Variants in TRAF6 observed in about 807,000 individuals in gnomAD.
TRAF6 encodes the protein TNF receptor associated factor 6.
A neutral mutation model predicts 48.4 loss-of-function variants in TRAF6; 10 were observed. The observed-to-expected ratio is 0.21, with a 90% CI of 0.13 to 0.35. The LOEUF is 0.35. Among genes scored for constraint, TRAF6 ranks in the 10% least tolerant of loss-of-function variants. TRAF6 has a pLI of 1.00. For missense variants in TRAF6, 397 were observed against 661.0 expected (o/e 0.60, Z 4.38); for synonymous variants, 186 against 219.6 (o/e 0.85, Z 1.35).
At chr11:36,491,653 A>C (rs1330193398) in intron 6 of TRAF6, among the ~76,000 whole-genome samples, 1 of 152,180 alleles carries the variant, frequency 6.6e-6, no homozygotes, top group Non-Finnish European at 1.5e-5. Flanking sequence ...GGAGACCATA[A>C]TACTACTTTC....
chr11:36,498,286 C>A (rs940653971), intron 3 of TRAF6, among the ~76,000 whole-genome samples: 2 of 152,076 alleles, frequency 1.3e-5, no homozygotes, highest in African/African-American at 4.8e-5. Flanking sequence ...CTGGGCAAAG[C>A]CAGAGTAGAT....
At chr11:36,497,387 A>C in intron 3 of TRAF6, 121 bp from the exon 4 acceptor site, 1 of 824,074 alleles carries the variant, frequency 1.2e-6, no homozygotes, top group Non-Finnish European at 1.7e-6. Flanking sequence ...TCTAATGCAC[A>C]CCACAGAACC....
chr11:36,485,712 A>C lies in TRAF6; in HGVS notation c.*4126T>G, dbSNP rs1326463331. Among the ~76,000 whole-genome samples, 1 of 152,164 alleles carries C rather than the reference A, an allele frequency of 6.6e-6. No individual in the cohort carries two copies. The highest frequency in any genetic ancestry group is 2.4e-5 in the African/African-American group (1 of 41,398). On this transcript the variant is annotated 3_prime_UTR_variant, in exon 7 of 7. Transcript: ENST00000526995. ...ACACACACAAGTGACATTTAGTGAAACAACCAGGCACCTCCTTGCCAAGTG... is the reference window on the plus strand; with the variant it reads ...ACACACACAAGTGACATTTAGTGAACCAACCAGGCACCTCCTTGCCAAGTG...
intron 1 of TRAF6, among the ~76,000 whole-genome samples, chr11:36,504,340 T>C (rs867107526): frequency 6.6e-6 from 1 of 152,092 alleles, no homozygotes; most frequent in Non-Finnish European, 1.5e-5. Context: ...TAGAATATTC[T>C]AAATCCTTTG....
At chr11:36,503,391 T>A (rs910454052) in intron 1 of TRAF6, among the ~76,000 whole-genome samples, 18 of 151,938 alleles carry the variant, frequency 1.2e-4, no homozygotes, top group Admixed American at 1.1e-3. Context: ...GCCTCTGGGT[T>A]CTCCCGCCTC....
intron 1 of TRAF6, among the ~76,000 whole-genome samples, chr11:36,503,920 T>C (rs1273006618): frequency 6.6e-6 from 1 of 152,204 alleles, no homozygotes; most frequent in Non-Finnish European, 1.5e-5. Context: ...ATAAAGCAAG[T>C]AATACAATTT....
At chr11:36,495,888 A>G (rs1450534778) in intron 4 of TRAF6, among the ~76,000 whole-genome samples, 2 of 152,068 alleles carry the variant, frequency 1.3e-5, no homozygotes, top group African/African-American at 4.8e-5. Context: ...GTGAAACTCC[A>G]TCTCCAAAAA....
chr11:36,504,234 G>A (rs1383341969), intron 1 of TRAF6, among the ~76,000 whole-genome samples: 1 of 152,176 alleles, frequency 6.6e-6, no homozygotes, highest in Non-Finnish European at 1.5e-5. Context: ...TCTGTAGCAT[G>A]TGATGCTGTT....
At chr11:36,495,195 T>C in intron 4 of TRAF6, 148 bp from the exon 5 acceptor site, 1 of 584,660 alleles carries the variant, frequency 1.7e-6, no homozygotes, top group Non-Finnish European at 3.1e-6. Flanking sequence ...GAGAGTAATA[T>C]ATAAAGGCTA....
rs1323169450 is a variant in TRAF6 at position 36,485,206 on chromosome 11, A to G, written c.*4632T>C. ...GGGAAATTTCATCAAGTGCTGAAGA[A>G]AAAAAGCAAAAAAAGTAACATCTGC... On this transcript the variant is annotated 3_prime_UTR_variant, in exon 7 of 7. Coordinates refer to ENST00000526995, the MANE Select transcript of TRAF6 (RefSeq NM_004620.4). Among the ~76,000 whole-genome samples, 1 of 152,162 alleles carries G rather than the reference A, an allele frequency of 6.6e-6. No homozygotes were observed. The highest frequency in any genetic ancestry group is 6.5e-5 in the Admixed American group (1 of 15,276).
chr11:36,506,635 G>A (rs2133679666), intron 1 of TRAF6, among the ~76,000 whole-genome samples: 1 of 152,168 alleles, frequency 6.6e-6, no homozygotes, highest in South Asian at 2.1e-4. Context: ...AGGTCTTTAG[G>A]TCTGAAGAGA....
intron 2 of TRAF6, among the ~76,000 whole-genome samples, chr11:36,499,095 C>T (rs1261421097): frequency 6.6e-6 from 1 of 152,154 alleles, no homozygotes; most frequent in African/African-American, 2.4e-5. Flanking sequence ...AAGCACTTAG[C>T]AGTACCTCCG....
chr11:36,506,045 TGACA>T (rs1449789099), intron 1 of TRAF6, among the ~76,000 whole-genome samples: 2 of 151,956 alleles, frequency 1.3e-5, no homozygotes, highest in African/African-American at 2.4e-5. Context: ...TACAAAAATG[TGACA>T]GACAAATACA....
rs1326311922 is a variant in TRAF6 at position 36,490,702 on chromosome 11, G to A, written c.757-52C>T. The A allele has an allele frequency of 6.6e-7, 1 of 1,512,044 alleles. No individual in the cohort carries two copies. Among genetic ancestry groups the A allele is most frequent in the East Asian group, 2.3e-5 (1 of 44,058 alleles). The allele number at this position is 1,512,044 out of a possible 1,614,324, so 93.7% of individuals were successfully genotyped here. A position where few individuals can be genotyped will look rare whatever the true frequency, so the allele number is the denominator to read the frequency against. On this transcript the variant is annotated intron_variant, in intron 6 of 6. Transcript: ENST00000526995. The surrounding 1 kb of genome is among the most constrained non-coding windows in gnomAD (Gnocchi z 6.4). Reference sequence around the variant, plus strand: ...TGGGAATAGATACCGTGAGGAGTAGGAAAAGGACCTGGCCAGGTCAAATAA... The same window carrying A: ...TGGGAATAGATACCGTGAGGAGTAGAAAAAGGACCTGGCCAGGTCAAATAA...
chr11:36,507,710 C>T (rs540360364), intron 1 of TRAF6, among the ~76,000 whole-genome samples: 1 of 104,636 alleles, frequency 9.6e-6, no homozygotes, highest in African/African-American at 3.6e-5. Flanking sequence ...TATATGTATA[C>T]ATACACGCGC....
rs1216996261 is a variant in TRAF6, at chr11:36,486,863, CG to C, written c.*2974del. Among the ~76,000 whole-genome samples the C allele has an allele frequency of 3.3e-5, 5 of 151,458 alleles. No individual in the cohort carries two copies. Among genetic ancestry groups the C allele is most frequent in the Non-Finnish European group, 1.5e-5 (1 of 67,862 alleles). On this transcript the variant is annotated 3_prime_UTR_variant, in exon 7 of 7. Coordinates refer to ENST00000526995, the MANE Select transcript of TRAF6 (RefSeq NM_004620.4). ...CAGCACTTTGGGAGGCTGAGGCGGG[CG>C]GATCATCTGAGGTCAGGAGTTCCAG...
At chr11:36,509,894 G>A (rs916145459) in intron 1 of TRAF6, among the ~76,000 whole-genome samples, 154 bp downstream of exon 1, 3 of 151,086 alleles carry the variant, frequency 2.0e-5, no homozygotes, top group African/African-American at 4.9e-5. Flanking sequence ...TGTGAAAAGC[G>A]AAGGGACAGG....
At chr11:36,491,363 G>C (rs113846333) in intron 6 of TRAF6, among the ~76,000 whole-genome samples, 2 of 152,052 alleles carry the variant, frequency 1.3e-5, no homozygotes, top group Non-Finnish European at 2.9e-5. Flanking sequence ...TGACCAAAAA[G>C]GGTGTTACCT....
At chr11:36,509,339 A>C (rs1296765151) in intron 1 of TRAF6, among the ~76,000 whole-genome samples, 2 of 152,184 alleles carry the variant, frequency 1.3e-5, no homozygotes, top group Admixed American at 6.5e-5. Context: ...AAATACTAGG[A>C]ACAGCTTTAT....
Sources: gnomAD v4.1 joint callset for allele counts (sites outside exome capture counted in the v4.1 genomes callset) on GRCh38, gnomAD v4.1.1 for gene constraint, Gnocchi (gnomAD v3.1) non-coding constraint, MANE v1.5 for transcripts, NCBI Gene and HGNC (gene_info 2026-07-23, HGNC 2026-07-21) for gene names.